Variants in ZNRF1 observed in about 807,000 individuals in gnomAD.
ZNRF1 encodes the protein E3 ubiquitin-protein ligase ZNRF1.
Under a neutral mutation model 18.4 loss-of-function variants are expected in ZNRF1, and 3 were observed. The ratio of observed to expected loss-of-function variants is 0.16; its 90% CI spans 0.07 to 0.42. The LOEUF (loss-of-function observed/expected upper bound fraction) is 0.42, where lower values mean the gene tolerates loss of function less well. Ranked by LOEUF, ZNRF1 falls within the 10% of genes least tolerant of loss-of-function variation. The pLI, the probability that ZNRF1 is intolerant of heterozygous loss-of-function variation, is 0.99. For missense variants in ZNRF1, 310 were observed against 329.8 expected, an observed-to-expected ratio of 0.94 and a Z score of 0.47; for synonymous variants, 157 against 144.2, an observed-to-expected ratio of 1.09 and a Z score of -0.64.
chr16:74,999,038 G>C lies in ZNRF1; in HGVS notation c.-634G>C, dbSNP rs1352644484. On this transcript the variant is annotated 5_prime_UTR_variant, in exon 1 of 5. Coordinates refer to ENST00000335325, the MANE Select transcript of ZNRF1 (RefSeq NM_032268.5). The stretch of plus-strand genomic sequence containing the variant: ...TGCCGCCCTCCATTGTCTCCACGGC[G>C]GCGAGGAGCGCCGGCGAGCGCAGCC... 1.3e-5 allele frequency: 2 copies of C among 150,898 alleles called. No homozygotes were observed. The highest frequency in any genetic ancestry group is 3.9e-4 in the East Asian group (2 of 5,134). The allele number at this position is 150,898 out of a possible 1,614,324, so 9.3% of individuals were successfully genotyped here.
At chr16:75,052,685 G>A (rs977761585) in intron 1 of ZNRF1, among the ~76,000 whole-genome samples, 2 of 152,162 alleles carry the variant, frequency 1.3e-5, no homozygotes, top group African/African-American at 4.8e-5. Context: ...GTGTCAGACA[G>A]TAAAATTGAG....
At chr16:75,032,558 A>C (rs1273385545) in intron 1 of ZNRF1, among the ~76,000 whole-genome samples, 1 of 152,024 alleles carries the variant, frequency 6.6e-6, no homozygotes, top group African/African-American at 2.4e-5. Flanking sequence ...ACAACAACAC[A>C]AAGAAAATTA....
intron 2 of ZNRF1, among the ~76,000 whole-genome samples, chr16:75,096,125 G>C (rs909119657): frequency 2.0e-4 from 29 of 144,004 alleles, no homozygotes; most frequent in African/African-American, 7.2e-4. Context: ...TACACCTAAG[G>C]CTCTCTTTTG....
chr16:75,079,869 G>C (rs752117874), intron 1 of ZNRF1, among the ~76,000 whole-genome samples: 12 of 152,170 alleles, frequency 7.9e-5, no homozygotes, highest in Non-Finnish European at 1.8e-4. Flanking sequence ...GTGTAGCTGC[G>C]TGCCAGGACC....
chr16:75,015,490 GT>G (rs1161257613), intron 1 of ZNRF1, among the ~76,000 whole-genome samples: 4 of 152,144 alleles, frequency 2.6e-5, no homozygotes, highest in African/African-American at 7.2e-5. Context: ...CAGGAGAATC[GT>G]TTGAACCTGG....
At chr16:75,075,001 G>A (rs2035920446) in intron 1 of ZNRF1, among the ~76,000 whole-genome samples, 1 of 149,100 alleles carries the variant, frequency 6.7e-6, no homozygotes, top group Non-Finnish European at 1.5e-5. Context: ...CCAGGAAATG[G>A]CTGTTGAGTA....
At position 75,107,817 on chromosome 16, in the gene ZNRF1, C is replaced by A. The variant is rs1205530477; in HGVS notation, c.*117C>A. On this transcript the variant is annotated 3_prime_UTR_variant, in exon 5 of 5. Coordinates refer to ENST00000335325, the MANE Select transcript of ZNRF1 (RefSeq NM_032268.5). ...TGGGACACCAGCGGGAACAGGGCAC[C>A]CCTTCTGCACTGACTTCCAGATCAT... The A allele has an allele frequency of 2.2e-6, 1 of 456,450 alleles. No homozygotes were observed. The highest frequency in any genetic ancestry group is 6.9e-5 in the East Asian group (1 of 14,390). The allele number at this position is 456,450 out of a possible 1,614,324, so 28.3% of individuals were successfully genotyped here. A position where few individuals can be genotyped will look rare whatever the true frequency, so the allele number is the denominator to read the frequency against.
intron 1 of ZNRF1, among the ~76,000 whole-genome samples, chr16:75,017,779 A>G (rs184488781): frequency 4.6e-5 from 7 of 152,332 alleles, no homozygotes; most frequent in Admixed American, 4.6e-4. Context: ...GTTGTAGGGT[A>G]GATAATTCAA....
At chr16:75,034,738 T>A (rs1199993711) in intron 1 of ZNRF1, among the ~76,000 whole-genome samples, 3 of 152,314 alleles carry the variant, frequency 2.0e-5, no homozygotes, top group East Asian at 1.9e-4. Context: ...GTGATTCTTA[T>A]GCCTCAGCCT....
chr16:75,073,245 TGAG>T (rs1057420690), intron 1 of ZNRF1, among the ~76,000 whole-genome samples: 1 of 151,972 alleles, frequency 6.6e-6, no homozygotes, highest in African/African-American at 2.4e-5. Flanking sequence ...AATATAAAAT[TGAG>T]GCAAGATTTT....
At chr16:75,070,262 A>G (rs1453811282) in intron 1 of ZNRF1, among the ~76,000 whole-genome samples, 3 of 152,208 alleles carry the variant, frequency 2.0e-5, no homozygotes, top group Non-Finnish European at 4.4e-5. Context: ...CGCCTAGCCC[A>G]GGCCGGCCTC....
intron 1 of ZNRF1, among the ~76,000 whole-genome samples, chr16:75,083,078 T>G (rs188800786): frequency 6.6e-6 from 1 of 152,170 alleles, no homozygotes; most frequent in Non-Finnish European, 1.5e-5. Flanking sequence ...TTTCTTGAGG[T>G]TTATAATGAT....
At chr16:75,012,715 A>G (rs866458890) in intron 1 of ZNRF1, among the ~76,000 whole-genome samples, 5 of 152,174 alleles carry the variant, frequency 3.3e-5, no homozygotes, top group African/African-American at 9.7e-5. Context: ...GCTGTTTTCA[A>G]CTTCATTATT....
At chr16:75,064,226 G>T (rs912874661) in intron 1 of ZNRF1, among the ~76,000 whole-genome samples, 1 of 152,038 alleles carries the variant, frequency 6.6e-6, no homozygotes, top group African/African-American at 2.4e-5. Flanking sequence ...AGTTGAGCCC[G>T]GGAGGTGGAG....
intron 1 of ZNRF1, among the ~76,000 whole-genome samples, chr16:75,004,726 A>T (rs1270443237): frequency 6.6e-6 from 1 of 152,114 alleles, no homozygotes. Context: ...CCGTCTTCCC[A>T]TCTCAGCTTC....
At chr16:75,084,035 T>C (rs1018607662) in intron 1 of ZNRF1, among the ~76,000 whole-genome samples, 3 of 152,196 alleles carry the variant, frequency 2.0e-5, no homozygotes, top group African/African-American at 7.2e-5. Context: ...CTGCTCACCA[T>C]TGTTACTCAG....
intron 1 of ZNRF1, among the ~76,000 whole-genome samples, chr16:75,012,523 T>G (rs996227985): frequency 1.3e-5 from 2 of 152,194 alleles, no homozygotes; most frequent in Non-Finnish European, 2.9e-5. Context: ...TGTGCTCTTC[T>G]AAGATTTTAG....
intron 1 of ZNRF1, among the ~76,000 whole-genome samples, chr16:75,031,782 G>A (rs577871213): frequency 6.6e-6 from 1 of 151,724 alleles, no homozygotes; most frequent in East Asian, 1.9e-4. Flanking sequence ...AATTACAGGC[G>A]TGAGCCACCA....
At chr16:75,042,522 C>T (rs1380995684) in intron 1 of ZNRF1, among the ~76,000 whole-genome samples, 1 of 141,606 alleles carries the variant, frequency 7.1e-6, no homozygotes, top group Non-Finnish European at 1.5e-5. Flanking sequence ...ATCCTTTCTT[C>T]CTGAATTCCC....
Sources: allele counts gnomAD v4.1 joint callset (sites outside exome capture counted in the v4.1 genomes callset), GRCh38; gene constraint gnomAD v4.1.1; transcripts MANE v1.5; gene names NCBI Gene and HGNC (gene_info 2026-07-23, HGNC 2026-07-21).